GIPR: variants seen among roughly 807,000 people sequenced by gnomAD.
GIPR encodes the protein gastric inhibitory polypeptide receptor, also known as GIP-R.
A neutral mutation model predicts 62.2 loss-of-function variants in GIPR; 74 were observed. The ratio of observed to expected loss-of-function variants is 1.19; its 90% CI spans 0.99 to 1.44. The LOEUF is 1.44. GIPR is among the 40% of genes most tolerant of loss of function. The pLI, the probability that GIPR is intolerant of heterozygous loss-of-function variation, is 0.00. For missense variants in GIPR, 664 were observed against 611.8 expected (o/e 1.09, Z -0.90); for synonymous variants, 256 against 262.2 (o/e 0.98, Z 0.23).
intron 7 of GIPR, 110 bp downstream of exon 7, chr19:45,674,936 T>G: frequency 9.0e-7 from 1 of 1,116,388 alleles, no homozygotes; most frequent in Non-Finnish European, 1.4e-6. Flanking sequence ...TTATCTGAGT[T>G]GGGAGGGTCC....
intron 6 of GIPR, 43 bp downstream of exon 6, chr19:45,674,220 C>T (rs376688520): frequency 3.0e-5 from 38 of 1,280,344 alleles, no homozygotes; most frequent in Admixed American, 5.0e-5. Context: ...GATGTGAGCT[C>T]GGCCTCAGTT....
At chr19:45,681,245 A>G (rs1568528907) in intron 12 of GIPR, among the ~76,000 whole-genome samples, 1 of 152,204 alleles carries the variant, frequency 6.6e-6, no homozygotes, top group Non-Finnish European at 1.5e-5. Flanking sequence ...CTGTAATCTC[A>G]GCACTTTGAG....
chr19:45,677,941 TCTC>T lies in GIPR; in HGVS notation c.963_965del (p.Leu322del). 3.1e-6 allele frequency: 5 copies of T among 1,614,014 alleles called. No homozygotes were observed. Among genetic ancestry groups the T allele is most frequent in the Admixed American group, 1.7e-5 (1 of 60,008 alleles). On this transcript the variant is annotated inframe_deletion, in exon 11 of 14. Transcript: ENST00000590918. Reference sequence around the variant, plus strand: ...TCATTTTTATCCGCATTCTTGGCATTCTCCTGTCCAAGCTGAGGACACGGCAAA... The same window carrying T: ...TCATTTTTATCCGCATTCTTGGCATTCTGTCCAAGCTGAGGACACGGCAAA...
chr19:45,678,071 C>T lies in GIPR; in HGVS notation c.1014-17C>T, dbSNP rs754266218. 4.6e-5 allele frequency: 74 copies of T among 1,611,894 alleles called. No homozygotes were observed. The East Asian group carries it at 1.6e-3, about 35-fold the overall frequency. On this transcript the variant is annotated splice_polypyrimidine_tract_variant and intron_variant, in intron 11 of 13. Coordinates refer to ENST00000590918, the MANE Select transcript of GIPR (RefSeq NM_000164.4). ...AACCAGGGCTGCGGGATCACTGCTG[C>T]CGCCCTCTCTCCCCAGGCTGGCTCG...
rs1967288234 is a variant in GIPR at position 45,682,256 on chromosome 19, T to C, written c.*321T>C. The C allele has an allele frequency of 2.9e-6, 1 of 341,582 alleles. No individual in the cohort carries two copies. Among genetic ancestry groups the C allele is most frequent in the Non-Finnish European group, 5.4e-6 (1 of 186,110 alleles). 21.2% of individuals were successfully genotyped at this position (341,582 alleles called of 1,614,324 possible). ...TGGGGAGAGCTGGAGAACAGGATTCTAGGCGGAAGCGATAGCATAGGCAAA... is the reference window on the plus strand; with the variant it reads ...TGGGGAGAGCTGGAGAACAGGATTCCAGGCGGAAGCGATAGCATAGGCAAA... On this transcript the variant is annotated 3_prime_UTR_variant, in exon 14 of 14. Transcript: ENST00000590918.
At chr19:45,679,464 G>C (rs1422206736) in intron 12 of GIPR, among the ~76,000 whole-genome samples, 1 of 140,134 alleles carries the variant, frequency 7.1e-6, no homozygotes, top group Non-Finnish European at 1.5e-5. Context: ...CCTGGCCACA[G>C]AGGGAGATCA....
intron 4 of GIPR, among the ~76,000 whole-genome samples, chr19:45,672,349 C>A (rs1201371799): frequency 6.6e-6 from 1 of 151,750 alleles, no homozygotes; most frequent in Non-Finnish European, 1.5e-5. Flanking sequence ...CGCTTTGTTG[C>A]AAGGCTGGAA....
At position 45,681,932 on chromosome 19, in the gene GIPR, C is replaced by CT. The variant is rs1416565440; in HGVS notation, c.1399dup (p.Ter467LeufsTer16). 6.4e-7 allele frequency: 1 copy of CT among 1,558,046 alleles called. No individual in the cohort carries two copies. The highest frequency in any genetic ancestry group is 8.7e-7 in the Non-Finnish European group (1 of 1,149,978). ...CCAGCCGGGAGTTGGAAAGTTACTG[C>CT]TAGGGGGCGGGATCCCCGTGTCTGT... is the stretch of plus-strand genomic sequence containing the variant. On this transcript the variant is annotated frameshift_variant, in exon 14 of 14. Transcript: ENST00000590918. LOFTEE classifies it high-confidence loss of function.
intron 12 of GIPR, among the ~76,000 whole-genome samples, chr19:45,679,218 A>T (rs1463058379): frequency 1.3e-5 from 2 of 152,066 alleles, no homozygotes; most frequent in Non-Finnish European, 2.9e-5. Flanking sequence ...AGTGGCTCAC[A>T]CCTGTAATCC....
rs1027778416 is a variant in GIPR at position 45,681,727 on chromosome 19, A to C, written c.1195-2A>C. ...CCGCCTCTGAGCGCCATCGTCTCAC[A>C]GGTGCAGTCGGAGATCCGCCGTGGC... On this transcript the variant is annotated splice_acceptor_variant, in intron 13 of 13. Coordinates refer to ENST00000590918, the MANE Select transcript of GIPR (RefSeq NM_000164.4). LOFTEE classifies it high-confidence loss of function. 1 of 1,611,368 alleles carries C rather than the reference A, an allele frequency of 6.2e-7. No homozygotes were observed. Among genetic ancestry groups the C allele is most frequent in the Middle Eastern group, 1.7e-4 (1 of 6,040 alleles).
At chr19:45,672,330 A>G (rs1975585522) in intron 4 of GIPR, among the ~76,000 whole-genome samples, 1 of 151,626 alleles carries the variant, frequency 6.6e-6, no homozygotes, top group Admixed American at 6.6e-5. Context: ...TGTTGTTGAG[A>G]CAGAGTCTCG....
At chr19:45,669,275 C>T (rs1270908077) in intron 1 of GIPR, among the ~76,000 whole-genome samples, 6 of 152,216 alleles carry the variant, frequency 3.9e-5, no homozygotes, top group African/African-American at 4.8e-5. Flanking sequence ...CGCCCACCAC[C>T]GGAGTTCCAC....
chr19:45,678,747 C>T (rs1213900116), intron 12 of GIPR, among the ~76,000 whole-genome samples: 1 of 152,230 alleles, frequency 6.6e-6, no homozygotes, highest in Non-Finnish European at 1.5e-5. Flanking sequence ...AGATTGGCGG[C>T]CCCAGCAGTG....
intron 6 of GIPR, 68 bp from the exon 7 acceptor site, chr19:45,674,614 A>G: frequency 6.7e-7 from 1 of 1,492,958 alleles, no homozygotes; most frequent in Non-Finnish European, 9.3e-7. Flanking sequence ...TTAAAAAAAA[A>G]AATAGAACTC....
Position 45,672,967 on chromosome 19 carries a change from G to A in GIPR, c.384+13G>A, listed in dbSNP as rs1975621103. ...TGAGGCCTTTCTGGTAAGAAGAGGT[G>A]AGGGCTTCAGGTTAGGAGTCCAGGG... On this transcript the variant is annotated intron_variant, in intron 5 of 13. Transcript: ENST00000590918. The A allele has an allele frequency of 6.2e-6, 9 of 1,460,888 alleles. No individual in the cohort carries two copies. Among genetic ancestry groups the A allele is most frequent in the African/African-American group, 1.4e-5 (1 of 71,994 alleles). 90.5% of individuals were successfully genotyped at this position (1,460,888 alleles called of 1,614,324 possible).
chr19:45,672,721 CAT>C, intron 4 of GIPR, 128 bp from the exon 5 acceptor site: 1 of 385,598 alleles, frequency 2.6e-6, no homozygotes, highest in Non-Finnish European at 4.6e-6. Flanking sequence ...AAGGGTTTAT[CAT>C]CATCATCATC....
intron 7 of GIPR, 85 bp downstream of exon 7, chr19:45,674,911 T>G: frequency 8.0e-6 from 10 of 1,253,460 alleles, no homozygotes; most frequent in Non-Finnish European, 1.2e-5. Flanking sequence ...TCCTATCTCC[T>G]ACACTCTCCA....
At chr19:45,669,731 A>C in intron 2 of GIPR, 139 bp downstream of exon 2, 1 of 1,176,032 alleles carries the variant, frequency 8.5e-7, no homozygotes, top group East Asian at 2.8e-5. Context: ...GGATCACTTG[A>C]GGCCAGGAGT....
intron 8 of GIPR, 94 bp from the exon 9 acceptor site, chr19:45,677,229 G>T (rs1350773968): frequency 2.9e-6 from 4 of 1,378,858 alleles, no homozygotes; most frequent in Non-Finnish European, 4.0e-6. Context: ...TCCCCACCCC[G>T]ACAGAGGAAT....
Sources: gnomAD v4.1 joint callset for allele counts (sites outside exome capture counted in the v4.1 genomes callset) on GRCh38, gnomAD v4.1.1 for gene constraint, MANE v1.5 for transcripts, NCBI Gene and HGNC (gene_info 2026-07-23, HGNC 2026-07-21) for gene names.